FNIP1: variants seen among roughly 807,000 people sequenced by gnomAD.
FNIP1 encodes the protein folliculin interacting protein 1.
A neutral mutation model predicts 124.5 loss-of-function variants in FNIP1; 40 were observed. That is an observed-to-expected ratio of 0.32 (90% CI 0.25 to 0.42). The LOEUF (loss-of-function observed/expected upper bound fraction) is 0.42. FNIP1 is among the 10% of genes least tolerant of loss of function. The pLI, the probability that FNIP1 is intolerant of heterozygous loss-of-function variation, is 1.00. For synonymous variants in FNIP1, 472 were observed against 470.6 expected (o/e 1.00, Z -0.04); for missense variants, 1,176 against 1,403.7 (o/e 0.84, Z 2.59).
At position 131,731,058 on chromosome 5, in the gene FNIP1, C is replaced by T; in HGVS notation, c.220-20G>A. ...GAGTTTCTGAAATAACAGATATTTC[C>T]ACTCATGTTTTAACAGATTTTTAAC... On this transcript the variant is annotated intron_variant, in intron 2 of 17. Coordinates refer to ENST00000510461, the MANE Select transcript of FNIP1 (RefSeq NM_133372.3). 1.3e-6 allele frequency: 2 copies of T among 1,588,230 alleles called. No homozygotes were observed. The highest frequency in any genetic ancestry group is 1.7e-6 in the Non-Finnish European group (2 of 1,171,428).
At chr5:131,674,643 AG>A (rs1767859808) in intron 13 of FNIP1, among the ~76,000 whole-genome samples, 1 of 152,140 alleles carries the variant, frequency 6.6e-6, no homozygotes, top group Admixed American at 6.5e-5. Flanking sequence ...ACCTGAGCCC[AG>A]GAAGTTGAGG....
chr5:131,796,702 C>T (rs929937418), intron 1 of FNIP1, 128 bp downstream of exon 1: 8 of 848,448 alleles, frequency 9.4e-6, no homozygotes, highest in African/African-American at 5.3e-5. Context: ...CTCCACCCCA[C>T]CGAGGACCAG....
At chr5:131,788,418 C>T (rs965734258) in intron 1 of FNIP1, among the ~76,000 whole-genome samples, 1 of 152,166 alleles carries the variant, frequency 6.6e-6, no homozygotes, top group African/African-American at 2.4e-5. Context: ...CCTGTAATCC[C>T]AGCACTGTGG....
intron 10 of FNIP1, among the ~76,000 whole-genome samples, chr5:131,699,817 G>A (rs1206745824): frequency 6.7e-6 from 1 of 150,340 alleles, no homozygotes; most frequent in African/African-American, 2.4e-5. Flanking sequence ...GAAAGAGGCT[G>A]AGGCATGAGA....
chr5:131,674,579 A>T (rs990201818), intron 13 of FNIP1, among the ~76,000 whole-genome samples: 1 of 152,010 alleles, frequency 6.6e-6, no homozygotes, highest in African/African-American at 2.4e-5. Context: ...TTAGCTGGGC[A>T]TGGTGGCGCG....
intron 1 of FNIP1, among the ~76,000 whole-genome samples, chr5:131,774,517 C>T (rs534258745): frequency 3.7e-4 from 56 of 152,260 alleles, no homozygotes; most frequent in African/African-American, 1.2e-3. Context: ...CCCTCCCATA[C>T]GTTCTGTAAG....
At chr5:131,717,971 CAGG>C (rs1206975898) in intron 5 of FNIP1, among the ~76,000 whole-genome samples, 1 of 151,274 alleles carries the variant, frequency 6.6e-6, no homozygotes, top group Non-Finnish European at 1.5e-5. Context: ...CACTTGAGGT[CAGG>C]AGTTTGACAC....
intron 1 of FNIP1, among the ~76,000 whole-genome samples, chr5:131,772,836 A>T (rs974666767): frequency 6.6e-6 from 1 of 152,116 alleles, no homozygotes; most frequent in Non-Finnish European, 1.5e-5. Flanking sequence ...CTCTGCTTCT[A>T]ATTTCTTCCC....
At chr5:131,699,550 C>T (rs1001058994) in intron 10 of FNIP1, among the ~76,000 whole-genome samples, 6 of 151,678 alleles carry the variant, frequency 4.0e-5, no homozygotes, top group South Asian at 2.1e-4. Flanking sequence ...CCTGCCACCA[C>T]GCCTGGCTAA....
chr5:131,768,525 A>G (rs1349259283), intron 1 of FNIP1, among the ~76,000 whole-genome samples: 1 of 152,072 alleles, frequency 6.6e-6, no homozygotes, highest in Non-Finnish European at 1.5e-5. Context: ...AAAATAAAAA[A>G]ACAGGCCAGC....
intron 11 of FNIP1, among the ~76,000 whole-genome samples, chr5:131,697,670 T>C (rs933735610): frequency 1.3e-5 from 2 of 151,708 alleles, no homozygotes; most frequent in African/African-American, 4.8e-5. Flanking sequence ...CTGCTGTAGG[T>C]TATGTTTACC....
intron 1 of FNIP1, among the ~76,000 whole-genome samples, chr5:131,747,280 C>T (rs768038587): frequency 6.6e-5 from 10 of 152,292 alleles, no homozygotes; most frequent in South Asian, 2.1e-4. Context: ...ACTCTGTCAA[C>T]GTATGTGAAA....
chr5:131,726,302 T>C (rs1345788988), intron 3 of FNIP1, among the ~76,000 whole-genome samples: 16 of 152,204 alleles, frequency 1.1e-4, no homozygotes, highest in Non-Finnish European at 2.2e-4. Context: ...TGGTAGAATT[T>C]GGCTGTGAAT....
chr5:131,778,791 A>G (rs1771898245), intron 1 of FNIP1, among the ~76,000 whole-genome samples: 1 of 133,086 alleles, frequency 7.5e-6, no homozygotes, highest in Admixed American at 8.0e-5. Flanking sequence ...TGTGGCACAT[A>G]TACACCATGG....
intron 11 of FNIP1, among the ~76,000 whole-genome samples, chr5:131,693,319 C>CAT (rs1339116049): frequency 2.6e-4 from 11 of 41,610 alleles, no homozygotes; most frequent in East Asian, 1.2e-3. Context: ...TATATATACA[C>CAT]ATATATATAT....
chr5:131,662,733 ATTTTTTTTTT>A (rs34051607), intron 15 of FNIP1, among the ~76,000 whole-genome samples: 5 of 76,948 alleles, frequency 6.5e-5, no homozygotes, highest in Non-Finnish European at 9.7e-5. Context: ...GATATTCTAG[ATTTTTTTTTT>A]TTTTTTTTTT....
At chr5:131,699,592 C>T (rs1486035001) in intron 10 of FNIP1, among the ~76,000 whole-genome samples, 3 of 151,836 alleles carry the variant, frequency 2.0e-5, no homozygotes, top group Non-Finnish European at 4.4e-5. Context: ...TGGGGTTTCA[C>T]CATGTTGGCC....
chr5:131,762,113 G>T (rs1771251250), intron 1 of FNIP1, among the ~76,000 whole-genome samples: 1 of 152,102 alleles, frequency 6.6e-6, no homozygotes. Flanking sequence ...AATCAAAATG[G>T]ATTAAAGACT....
chr5:131,661,747 G>C (rs1040519799), intron 15 of FNIP1, among the ~76,000 whole-genome samples: 3 of 152,082 alleles, frequency 2.0e-5, no homozygotes, highest in African/African-American at 7.2e-5. Flanking sequence ...TGAGGGAAAG[G>C]GAAATCAGAA....
Sources: allele counts gnomAD v4.1 joint callset (sites outside exome capture counted in the v4.1 genomes callset), GRCh38; gene constraint gnomAD v4.1.1; transcripts MANE v1.5; gene names NCBI Gene and HGNC (gene_info 2026-07-23, HGNC 2026-07-21).